Variants in FAM228B observed in about 807,000 individuals in gnomAD.
FAM228B encodes family with sequence similarity 228 member B.
A neutral mutation model predicts 42.6 loss-of-function variants in FAM228B; 38 were observed. That is an observed-to-expected ratio of 0.89 (90% CI 0.69 to 1.17). The LOEUF (loss-of-function observed/expected upper bound fraction) is 1.17, where lower values mean the gene tolerates loss of function less well. Among genes scored for constraint, FAM228B ranks in the 50% most tolerant of loss-of-function variants. The probability of loss-of-function intolerance (pLI) is 0.00; values close to 1 mark genes in which losing one functional copy is unlikely to be tolerated. For missense variants in FAM228B, 344 were observed against 367.3 expected (o/e 0.94, Z 0.52); for synonymous variants, 109 against 122.3 (o/e 0.89, Z 0.72).
chr2:24,096,218 C>G (rs1462387464), intron 3 of FAM228B: 1 of 152,174 alleles, frequency 6.6e-6, no homozygotes, highest in Non-Finnish European at 1.5e-5. Flanking sequence ...ATCAGAGTGC[C>G]TCTTCTCCTC....
At chr2:24,165,740 T>G (rs72789910) in intron 9 of FAM228B, 60,079 of 311,060 alleles carry the variant, frequency 0.19, 6,925 homozygotes, top group Non-Finnish European at 0.25. Flanking sequence ...ATGGAAAGTT[T>G]ATAGAAATAT....
chr2:24,118,556 T>C (rs947150308), upstream of FAM228B, among the ~76,000 whole-genome samples: 19 of 152,252 alleles, frequency 1.2e-4, no homozygotes, highest in Middle Eastern at 6.8e-3. Context: ...ACAATCTAGA[T>C]AAACAAAGAA....
At chr2:24,132,671 A>T in intron 2 of FAM228B, among the ~76,000 whole-genome samples, 1 of 151,176 alleles carries the variant, frequency 6.6e-6, no homozygotes. Flanking sequence ...TTTTTTCTTA[A>T]GTGTGGATCA....
At chr2:24,154,245 G>A (rs1278946081) in intron 7 of FAM228B, among the ~76,000 whole-genome samples, 2 of 152,226 alleles carry the variant, frequency 1.3e-5, no homozygotes, top group African/African-American at 4.8e-5. Context: ...TTGTTCCAGT[G>A]CGGGGAATAA....
intron 2 of FAM228B, among the ~76,000 whole-genome samples, chr2:24,090,562 C>CAAAAA (rs58611623): frequency 1.1e-4 from 9 of 81,638 alleles, no homozygotes; most frequent in Admixed American, 1.6e-4. Flanking sequence ...CCTCCCATCT[C>CAAAAA]AAAAAAAAAA....
intron 3 of FAM228B, among the ~76,000 whole-genome samples, chr2:24,100,326 C>G (rs1360799503): frequency 1.3e-5 from 2 of 152,190 alleles, no homozygotes; most frequent in Admixed American, 1.3e-4. Flanking sequence ...TCAGAGTGAA[C>G]AGGCAACCTA....
chr2:24,161,953 G>A (rs1470123637), intron 8 of FAM228B, among the ~76,000 whole-genome samples: 1 of 151,712 alleles, frequency 6.6e-6, no homozygotes, highest in Non-Finnish European at 1.5e-5. Flanking sequence ...ATAAAAATTA[G>A]CCAGGCGTGG....
At chr2:24,132,003 C>CTATTGAA (rs1666466158) in intron 2 of FAM228B, among the ~76,000 whole-genome samples, 1 of 152,170 alleles carries the variant, frequency 6.6e-6, no homozygotes, top group Admixed American at 6.5e-5. Context: ...AGATATGTTC[C>CTATTGAA]ATCAATACCT....
At chr2:24,168,274 G>A (rs142822368) in intron 10 of FAM228B, among the ~76,000 whole-genome samples, 6 of 152,320 alleles carry the variant, frequency 3.9e-5, no homozygotes, top group South Asian at 2.1e-4. Flanking sequence ...GAAGAAGGCC[G>A]AGGGTTAGTC....
intron 3 of FAM228B, chr2:24,115,666 A>G: frequency 6.4e-7 from 1 of 1,560,184 alleles, no homozygotes; most frequent in South Asian, 1.1e-5. Context: ...ATCACTACAA[A>G]TGATTCATTC....
At chr2:24,119,619 C>T (rs763358770), upstream of FAM228B, 7 of 1,613,786 alleles carry the variant, frequency 4.3e-6, no homozygotes, top group African/African-American at 6.7e-5. Context: ...GGATACATGC[C>T]CTCAGTGTAA....
At chr2:24,097,133 C>A (rs1665512954) in intron 3 of FAM228B, 3 of 152,138 alleles carry the variant, frequency 2.0e-5, no homozygotes, top group African/African-American at 4.8e-5. Context: ...AAGCACTAAA[C>A]ATGGAAAGGA....
Position 24,146,926 on chromosome 2 carries a change from T to A in FAM228B, c.530-4T>A. On this transcript the variant is annotated splice_polypyrimidine_tract_variant and splice_region_variant and intron_variant, in intron 6 of 10. Transcript: ENST00000615575. Reference sequence around the variant, plus strand: ...GTTAATTTAGATTTTTATTCTTCCTTCAGGCAAAATATATTCAATAAAGGA... The same window carrying A: ...GTTAATTTAGATTTTTATTCTTCCTACAGGCAAAATATATTCAATAAAGGA... 1 of 1,550,378 alleles carries A rather than the reference T, an allele frequency of 6.5e-7. No homozygotes were observed. The highest frequency in any genetic ancestry group is 8.7e-7 in the Non-Finnish European group (1 of 1,146,124).
upstream of FAM228B, chr2:24,121,384 GGCCT>G: frequency 7.5e-7 from 1 of 1,329,156 alleles, no homozygotes; most frequent in Admixed American, 2.2e-5. Context: ...TGTTTTTTAT[GGCCT>G]GCAAGCTAAG....
chr2:24,123,103 C>G (rs1343788202), upstream of FAM228B: 1 of 152,388 alleles, frequency 6.6e-6, no homozygotes, highest in East Asian at 1.9e-4. Flanking sequence ...AGCCTTGGAC[C>G]CCCCTCATCA....
chr2:24,123,892 C>T (rs549885102), intron 1 of FAM228B, among the ~76,000 whole-genome samples: 1 of 152,308 alleles, frequency 6.6e-6, no homozygotes, highest in South Asian at 2.1e-4. Context: ...CTTCGAGCCG[C>T]TCAGAGCTCG....
rs564290220 is a variant in FAM228B, at chr2:24,113,122, A to G, written c.-121+17893A>G. Among the ~76,000 whole-genome samples, 6 of 152,170 alleles carry G rather than the reference A, an allele frequency of 3.9e-5. No individual in the cohort carries two copies. In the South Asian group the frequency reaches 1.0e-3, roughly 26 times the overall value. ...GAGCCTGTCTTGGGGTAGATGTATTATTTACTGTTGTATCATTACTACCTA... is the reference window on the plus strand; with the variant it reads ...GAGCCTGTCTTGGGGTAGATGTATTGTTTACTGTTGTATCATTACTACCTA... On this transcript the variant is annotated intron_variant, in intron 3 of 10. Coordinates refer to the FAM228B transcript ENST00000613899.
At chr2:24,132,463 T>TG (rs1302771804) in intron 2 of FAM228B, among the ~76,000 whole-genome samples, 1 of 140,880 alleles carries the variant, frequency 7.1e-6, no homozygotes, top group Non-Finnish European at 1.5e-5. Context: ...GTCCTGGGAT[T>TG]GTTTTTTTTT....
At chr2:24,142,427 T>C (rs965328710) in intron 5 of FAM228B, 5 of 152,246 alleles carry the variant, frequency 3.3e-5, no homozygotes, top group African/African-American at 9.6e-5. Flanking sequence ...GCATGTGCTT[T>C]GTGCAGCTCT....
Sources: allele counts gnomAD v4.1 joint callset (sites outside exome capture counted in the v4.1 genomes callset), GRCh38; gene constraint gnomAD v4.1.1; transcripts MANE v1.5; gene names NCBI Gene and HGNC (gene_info 2026-07-23, HGNC 2026-07-21).